ADCK1: variants seen among roughly 807,000 people sequenced by gnomAD.
The protein encoded by ADCK1 is aarF domain containing kinase 1.
ADCK1 carries 41 observed loss-of-function variants against 52.3 expected under a neutral mutation model. The ratio of observed to expected loss-of-function variants is 0.78; its 90% CI spans 0.61 to 1.02. The LOEUF is 1.02. ADCK1 is among the 50% of genes least tolerant of loss of function. The pLI is 0.00. For synonymous variants in ADCK1, 250 were observed against 274.6 expected (o/e 0.91, Z 0.89); for missense variants, 658 against 679.5 (o/e 0.97, Z 0.35).
At chr14:77,815,419 AG>A (rs1486253636) in intron 1 of ADCK1, among the ~76,000 whole-genome samples, 3 of 151,146 alleles carry the variant, frequency 2.0e-5, no homozygotes, top group Non-Finnish European at 4.4e-5. Context: ...TTTCTTCCCC[AG>A]GCTGGTCTTG....
rs762424531 is a variant in ADCK1, at chr14:77,931,656, G to T, written c.1345G>T (p.Ala449Ser). 1.2e-6 allele frequency: 2 copies of T among 1,609,950 alleles called. No homozygotes were observed. The highest frequency in any genetic ancestry group is 8.5e-7 in the Non-Finnish European group (1 of 1,180,000). Reference sequence around the variant, plus strand: ...CATTGAGGCCGCCCTGGGCACCCGCGCCAGCGCCAGCTCCTTTCTCAACAT... The same window carrying T: ...CATTGAGGCCGCCCTGGGCACCCGCTCCAGCGCCAGCTCCTTTCTCAACAT... ...RGIEAALGTRASASSFLNMSR... is the reference protein window; with the variant it reads ...RGIEAALGTRSSASSFLNMSR... Residue 449 changes from alanine to serine, a missense_variant, in exon 10 of 11, where the codon GCC becomes TCC. By Grantham distance (99) the Ala-to-Ser change is moderately conservative. Coordinates refer to ENST00000238561, the MANE Select transcript of ADCK1 (RefSeq NM_020421.4).
At chr14:77,888,783 C>T (rs1398279074) in intron 5 of ADCK1, among the ~76,000 whole-genome samples, 1 of 152,144 alleles carries the variant, frequency 6.6e-6, no homozygotes, top group Non-Finnish European at 1.5e-5. Context: ...TATAGTAGTT[C>T]CCCCTTATCT....
chr14:77,832,581 G>A (rs2140066751), intron 3 of ADCK1, among the ~76,000 whole-genome samples: 1 of 152,320 alleles, frequency 6.6e-6, no homozygotes, highest in South Asian at 2.1e-4. Flanking sequence ...AAACACCGGA[G>A]GAGGAAGAAG....
intron 4 of ADCK1, among the ~76,000 whole-genome samples, chr14:77,871,841 A>G (rs1000453158): frequency 6.6e-6 from 1 of 152,108 alleles, no homozygotes; most frequent in Non-Finnish European, 1.5e-5. Context: ...TACTGTTTTT[A>G]TTATTCCTAT....
At chr14:77,868,547 T>G (rs907904342) in intron 4 of ADCK1, among the ~76,000 whole-genome samples, 2 of 152,178 alleles carry the variant, frequency 1.3e-5, no homozygotes, top group African/African-American at 4.8e-5. Flanking sequence ...GCCAGTGGTT[T>G]GGGGTGATTA....
At chr14:77,869,175 G>T (rs928051117) in intron 4 of ADCK1, among the ~76,000 whole-genome samples, 1 of 152,170 alleles carries the variant, frequency 6.6e-6, no homozygotes, top group African/African-American at 2.4e-5. Flanking sequence ...TGGTTTTCTC[G>T]GGCTAGCCGC....
Position 77,830,244 on chromosome 14 carries a change from C to T in ADCK1, c.219+7726C>T, listed in dbSNP as rs150007610. Among the ~76,000 whole-genome samples, 34 of 151,292 alleles carry T rather than the reference C, an allele frequency of 2.2e-4. 2 individuals are homozygous for T. Among genetic ancestry groups the T allele is most frequent in the Non-Finnish European group, 3.8e-4 (26 of 67,550 alleles). ...CCTCCGTTCACTGCAACCTCTGCTT[C>T]GCAGGTTCAAGCGATTCTCCCACCT... On this transcript the variant is annotated intron_variant, in intron 3 of 10. Transcript: ENST00000238561.
intron 4 of ADCK1, among the ~76,000 whole-genome samples, chr14:77,863,258 C>T (rs893844512): frequency 1.3e-5 from 2 of 151,744 alleles, no homozygotes; most frequent in Non-Finnish European, 2.9e-5. Flanking sequence ...GGCATGTGGT[C>T]GGGTGGTTGA....
intron 1 of ADCK1, among the ~76,000 whole-genome samples, chr14:77,800,542 C>T (rs1192269418): frequency 1.3e-5 from 2 of 152,250 alleles, no homozygotes; most frequent in Non-Finnish European, 2.9e-5. Context: ...CCCCTGGTGG[C>T]CCTGTGAGTT....
chr14:77,892,507 C>T (rs1426812630), intron 5 of ADCK1, among the ~76,000 whole-genome samples: 1 of 152,174 alleles, frequency 6.6e-6, no homozygotes, highest in Non-Finnish European at 1.5e-5. Flanking sequence ...ATGACTCAGA[C>T]TCTTTCCATG....
chr14:77,842,504 C>T (rs1566657512), intron 3 of ADCK1, among the ~76,000 whole-genome samples: 1 of 136,798 alleles, frequency 7.3e-6, no homozygotes, highest in Non-Finnish European at 1.6e-5. Context: ...TCCTTCCTTC[C>T]TTCCTTCCTT....
At chr14:77,862,490 T>C (rs1594960640) in intron 4 of ADCK1, among the ~76,000 whole-genome samples, 1 of 152,182 alleles carries the variant, frequency 6.6e-6, no homozygotes, top group African/African-American at 2.4e-5. Flanking sequence ...TTTCTGCTCT[T>C]GGGCATGGTT....
chr14:77,894,183 C>T (rs2083346392), intron 5 of ADCK1, among the ~76,000 whole-genome samples: 1 of 152,158 alleles, frequency 6.6e-6, no homozygotes, highest in Admixed American at 6.5e-5. Context: ...CTTCTCTTCA[C>T]CCTATAAATC....
intron 3 of ADCK1, among the ~76,000 whole-genome samples, chr14:77,842,991 G>A (rs2364741): frequency 0.72 from 108,604 of 150,306 alleles, 39,326 homozygotes; most frequent in Admixed American, 0.76. Context: ...CTGGGTTCAA[G>A]TGATTCTCCT....
rs983372113 is a variant in ADCK1 at position 77,814,059 on chromosome 14, C to T, written c.-11-4909C>T. ...CTGGGATTACAGGTGTGAGCCACCA[C>T]GCCGAGCCTTATTTTTTTTTTTAAA... On this transcript the variant is annotated intron_variant, in intron 1 of 10. Coordinates refer to ENST00000238561, the MANE Select transcript of ADCK1 (RefSeq NM_020421.4). Among the ~76,000 whole-genome samples the T allele has an allele frequency of 4.6e-5, 7 of 151,764 alleles. No individual in the cohort carries two copies. In the South Asian group the frequency reaches 6.2e-4, roughly 14 times the overall value.
chr14:77,844,780 A>G lies in ADCK1; in HGVS notation c.220-14296A>G, dbSNP rs2082142423. ...TGTCTTTAGAACCCCAGTAACAGTT[A>G]TAGGTTTTTAAGAGTCAGAAGACAC... On this transcript the variant is annotated intron_variant, in intron 3 of 10. Transcript: ENST00000238561. Among the ~76,000 whole-genome samples the G allele has an allele frequency of 2.6e-5, 4 of 152,224 alleles. No individual in the cohort carries two copies. In the South Asian group the frequency reaches 8.3e-4, roughly 32 times the overall value.
At chr14:77,818,439 GC>G (rs1279874458) in intron 1 of ADCK1, among the ~76,000 whole-genome samples, 3 of 151,986 alleles carry the variant, frequency 2.0e-5, no homozygotes, top group Non-Finnish European at 1.5e-5. Flanking sequence ...GTGCCATGAT[GC>G]CTGGCTAATT....
intron 10 of ADCK1, 83 bp from the exon 11 acceptor site, chr14:77,933,137 A>G: frequency 1.4e-6 from 2 of 1,461,210 alleles, no homozygotes; most frequent in Middle Eastern, 1.8e-4. Flanking sequence ...CAAAGCCACC[A>G]TCTTTAGTTT....
Position 77,899,199 on chromosome 14 carries a change from A to G in ADCK1, c.682A>G (p.Asn228Asp). Residue 228 changes from asparagine (N) to aspartate (D), a missense_variant, in exon 6 of 11, where the codon AAT (asparagine) becomes GAT (aspartate). Transcript: ENST00000238561. ...KNLPLELDFL[N>D]EGRNAEKVSQ... is the part of the protein sequence containing the mutation. ...CCTGCCTTTGGAGCTGGATTTCCTC[A>G]ATGAAGGGAGGAATGCTGAGAAGGT... is the stretch of plus-strand genomic sequence containing the variant. 6.2e-7 allele frequency: 1 copy of G among 1,614,080 alleles called. No individual in the cohort carries two copies. The highest frequency in any genetic ancestry group is 8.5e-7 in the Non-Finnish European group (1 of 1,179,990).
Sources: gnomAD v4.1 joint callset for allele counts (sites outside exome capture counted in the v4.1 genomes callset) on GRCh38, gnomAD v4.1.1 for gene constraint, MANE v1.5 for transcripts, NCBI Gene and HGNC (gene_info 2026-07-23, HGNC 2026-07-21) for gene names.